Variants in DEPDC5 observed in about 807,000 individuals in gnomAD.
DEPDC5 encodes the protein DEP domain containing 5, GATOR1 subcomplex subunit.
In DEPDC5, 73 loss-of-function variants were observed where a neutral mutation model predicts 217.3. That is an observed-to-expected ratio of 0.34 (90% CI 0.28 to 0.41). The LOEUF is 0.41. Ranked by LOEUF, DEPDC5 falls within the 10% of genes least tolerant of loss-of-function variation. DEPDC5 has a pLI of 1.00. For synonymous variants in DEPDC5, 733 were observed against 756.7 expected (o/e 0.97, Z 0.51); for missense variants, 1,675 against 2,070.1 (o/e 0.81, Z 3.70).
intron 8 of DEPDC5, among the ~76,000 whole-genome samples, chr22:31,780,944 G>C (rs990239274): frequency 1.3e-5 from 2 of 152,194 alleles, no homozygotes; most frequent in African/African-American, 4.8e-5. Context: ...TGGGCCGGGC[G>C]CGGTGGCTCA....
rs1301947461 is a variant in DEPDC5 at position 31,873,327 on chromosome 22, C to T, written c.3558C>T (p.His1186=). The stretch of plus-strand genomic sequence containing the variant: ...CAGAGATCCTGGAAGCCATGAAGCA[C>T]CCCTCGTAAGTGGCTCACCACAGTG... ...TLTEILEAMK[H]PSTGVQLLSE... is the part of the protein sequence containing the mutation. Residue 1186 remains histidine, a synonymous_variant, in exon 35 of 43, where the codon CAC becomes CAT. Transcript: ENST00000651528. 1 of 1,613,884 alleles carries T rather than the reference C, an allele frequency of 6.2e-7. No homozygotes were observed. Among genetic ancestry groups the T allele is most frequent in the Non-Finnish European group, 8.5e-7 (1 of 1,179,818 alleles).
chr22:31,849,528 C>A (rs151012271), intron 31 of DEPDC5, among the ~76,000 whole-genome samples: 261 of 152,132 alleles, frequency 1.7e-3, no homozygotes, highest in Non-Finnish European at 3.0e-3. Context: ...CACCTGTAAT[C>A]CCAGCACTTT....
chr22:31,884,083 C>G (rs1282381657), intron 38 of DEPDC5, among the ~76,000 whole-genome samples: 1 of 152,192 alleles, frequency 6.6e-6, no homozygotes, highest in Non-Finnish European at 1.5e-5. Context: ...CATTACACAG[C>G]TTTGAGCCCC....
chr22:31,825,176 C>T (rs2090046592), intron 24 of DEPDC5, among the ~76,000 whole-genome samples: 1 of 152,120 alleles, frequency 6.6e-6, no homozygotes, highest in African/African-American at 2.4e-5. Flanking sequence ...GGGGGAATTA[C>T]AGGTTCTGAT....
chr22:31,788,019 G>A (rs2085195258), intron 10 of DEPDC5, among the ~76,000 whole-genome samples: 1 of 151,728 alleles, frequency 6.6e-6, no homozygotes, highest in South Asian at 2.1e-4. Flanking sequence ...CACATTACAT[G>A]CCTGTATCAA....
At chr22:31,883,961 C>T (rs1362056958) in intron 38 of DEPDC5, among the ~76,000 whole-genome samples, 1 of 152,142 alleles carries the variant, frequency 6.6e-6, no homozygotes, top group Non-Finnish European at 1.5e-5. Flanking sequence ...GTCCTGGCTT[C>T]AACAGTTCTT....
chr22:31,768,744 C>A, intron 6 of DEPDC5, 70 bp from the exon 7 acceptor site: 1 of 1,328,608 alleles, frequency 7.5e-7, no homozygotes, highest in Non-Finnish European at 1.1e-6. Context: ...ATATGTTAAT[C>A]AATCTCTCTC....
chr22:31,837,078 C>T lies in DEPDC5; in HGVS notation c.2277C>T (p.Tyr759=), dbSNP rs1298620865. ...TPACLPLTTD[Y]FPDRQGLQND... ...CGTGCCTCCCCCTTACCACCGACTACTTCCCTGACCGCCAGGGCCTGCAGA... is the reference window on the plus strand; with the variant it reads ...CGTGCCTCCCCCTTACCACCGACTATTTCCCTGACCGCCAGGGCCTGCAGA... The change falls in exon 26 of 43, where the codon TAC becomes TAT. Residue 759 remains tyrosine, a synonymous_variant. Coordinates refer to ENST00000651528, the MANE Select transcript of DEPDC5 (RefSeq NM_001242896.3). 2 of 1,614,112 alleles carry T rather than the reference C, an allele frequency of 1.2e-6. No homozygotes were observed.
intron 24 of DEPDC5, among the ~76,000 whole-genome samples, chr22:31,830,604 A>G (rs1219341644): frequency 6.7e-6 from 1 of 149,232 alleles, no homozygotes; most frequent in African/African-American, 2.5e-5. Flanking sequence ...TCCTGAAAAT[A>G]TTTGCTTTTT....
At chr22:31,784,761 A>G (rs2084810223) in intron 9 of DEPDC5, 53 bp from the exon 10 acceptor site, 3 of 1,552,846 alleles carry the variant, frequency 1.9e-6, no homozygotes, top group Admixed American at 1.7e-5. Flanking sequence ...ATTGCAAGCA[A>G]GAAATAAAGA....
chr22:31,877,436 CAAAAAA>C (rs71184527), intron 37 of DEPDC5, among the ~76,000 whole-genome samples: 1 of 21,000 alleles, frequency 4.8e-5, no homozygotes, highest in African/African-American at 1.4e-4. Flanking sequence ...GACTCCATCT[CAAAAAA>C]AAAAAAAAAA....
chr22:31,889,903 GT>G (rs1446882652), intron 38 of DEPDC5, among the ~76,000 whole-genome samples: 13 of 152,174 alleles, frequency 8.5e-5, no homozygotes, highest in East Asian at 1.9e-4. Context: ...ACAGAATGTA[GT>G]TTTGATGAGC....
intron 3 of DEPDC5, 68 bp downstream of exon 3, chr22:31,758,701 GCT>G: frequency 1.4e-6 from 2 of 1,437,476 alleles, no homozygotes; most frequent in Admixed American, 3.4e-5. Flanking sequence ...AAGGCAGATA[GCT>G]CTCTTTGCCT....
At chr22:31,767,713 T>C (rs1425535471) in intron 6 of DEPDC5, among the ~76,000 whole-genome samples, 1 of 152,056 alleles carries the variant, frequency 6.6e-6, no homozygotes, top group African/African-American at 2.4e-5. Flanking sequence ...ATTATAGGTG[T>C]GAGGCATCGT....
intron 27 of DEPDC5, among the ~76,000 whole-genome samples, chr22:31,840,483 A>G (rs572418787): frequency 9.1e-4 from 139 of 152,288 alleles, no homozygotes; most frequent in South Asian, 3.9e-3. Flanking sequence ...CCCAAGAGTA[A>G]TAAGATGAAT....
chr22:31,864,983 G>A (rs1054898073), intron 33 of DEPDC5, among the ~76,000 whole-genome samples: 8 of 137,184 alleles, frequency 5.8e-5, no homozygotes, highest in African/African-American at 2.5e-4. Context: ...GAGCCATCGC[G>A]CTTGGCCTAA....
chr22:31,802,849 C>T lies in DEPDC5; in HGVS notation c.1081+11C>T. The T allele has an allele frequency of 1.3e-6, 2 of 1,585,430 alleles. No individual in the cohort carries two copies. The highest frequency in any genetic ancestry group is 1.7e-6 in the Non-Finnish European group (2 of 1,165,958). On this transcript the variant is annotated intron_variant, in intron 15 of 42. Transcript: ENST00000651528. Reference sequence around the variant, plus strand: ...GGATGATAGATAATGGTAATGCTCTCTGGTTTGTGCCCTGTCTCCACATGT... The same window carrying T: ...GGATGATAGATAATGGTAATGCTCTTTGGTTTGTGCCCTGTCTCCACATGT...
chr22:31,762,641 T>C (rs1338965987), intron 4 of DEPDC5, among the ~76,000 whole-genome samples: 2 of 152,046 alleles, frequency 1.3e-5, no homozygotes, highest in East Asian at 3.9e-4. Context: ...CGCATGCCTG[T>C]AATCTCAGCT....
At chr22:31,886,939 AT>A (rs1354669101) in intron 38 of DEPDC5, among the ~76,000 whole-genome samples, 3 of 146,206 alleles carry the variant, frequency 2.1e-5, no homozygotes, top group Non-Finnish European at 4.5e-5. Context: ...AAAAATTAGC[AT>A]GGCGTGGTGG....
Sources: gnomAD v4.1 joint callset for allele counts (sites outside exome capture counted in the v4.1 genomes callset) on GRCh38, gnomAD v4.1.1 for gene constraint, MANE v1.5 for transcripts, NCBI Gene and HGNC (gene_info 2026-07-23, HGNC 2026-07-21) for gene names.